Variants in KCNQ5 observed in about 807,000 individuals in gnomAD.
KCNQ5 encodes the protein potassium voltage-gated channel subfamily KQT member 5.
KCNQ5 carries 30 observed loss-of-function variants against 98.2 expected under a neutral mutation model. The ratio of observed to expected loss-of-function variants is 0.31; its 90% CI spans 0.23 to 0.41. The LOEUF (loss-of-function observed/expected upper bound fraction) is 0.41. Among genes scored for constraint, KCNQ5 ranks in the 10% least tolerant of loss-of-function variants. KCNQ5 has a pLI of 1.00. For synonymous variants in KCNQ5, 458 were observed against 449.4 expected (o/e 1.02, Z -0.24); for missense variants, 835 against 1,182.5 (o/e 0.71, Z 4.31).
chr6:73,109,270 T>C (rs1775128822), intron 6 of KCNQ5, among the ~76,000 whole-genome samples: 1 of 152,234 alleles, frequency 6.6e-6, no homozygotes, highest in South Asian at 2.1e-4. Context: ...AAATTTGTGC[T>C]ATGTAGGGCC....
At chr6:72,686,362 A>G (rs117229376) in intron 1 of KCNQ5, among the ~76,000 whole-genome samples, 253 of 152,324 alleles carry the variant, frequency 1.7e-3, no homozygotes, top group Non-Finnish European at 2.7e-3. Context: ...ATAGCTCAGT[A>G]TAGTTTCAAT....
chr6:72,892,094 C>T (rs1054868335), intron 1 of KCNQ5, among the ~76,000 whole-genome samples: 3 of 152,144 alleles, frequency 2.0e-5, no homozygotes, highest in Non-Finnish European at 2.9e-5. Context: ...TACACCATCA[C>T]AGAATGATGG....
intron 1 of KCNQ5, among the ~76,000 whole-genome samples, chr6:72,630,176 A>C (rs755456777): frequency 2.6e-5 from 4 of 152,194 alleles, no homozygotes; most frequent in Non-Finnish European, 5.9e-5. Flanking sequence ...AAAACACTTG[A>C]ATAAAATGCA....
At chr6:72,692,949 A>G (rs1276154791) in intron 1 of KCNQ5, among the ~76,000 whole-genome samples, 1 of 152,208 alleles carries the variant, frequency 6.6e-6, no homozygotes, top group East Asian at 1.9e-4. Flanking sequence ...TTTTTCAAAA[A>G]GGAATGAGGA....
At chr6:73,044,207 G>A (rs1015855271) in intron 3 of KCNQ5, among the ~76,000 whole-genome samples, 2 of 152,172 alleles carry the variant, frequency 1.3e-5, no homozygotes, top group African/African-American at 4.8e-5. Flanking sequence ...TTGAGCCCAG[G>A]AGTTTGAGGC....
chr6:72,778,753 A>G (rs1203325238), intron 1 of KCNQ5, among the ~76,000 whole-genome samples: 1 of 152,180 alleles, frequency 6.6e-6, no homozygotes, highest in Admixed American at 6.5e-5. Context: ...AACCTCAATA[A>G]AACTGGAGAA....
At chr6:73,080,923 A>G (rs894160301) in intron 5 of KCNQ5, among the ~76,000 whole-genome samples, 5 of 152,166 alleles carry the variant, frequency 3.3e-5, no homozygotes, top group Non-Finnish European at 5.9e-5. Context: ...GTGCTGCCCA[A>G]AAAACTTTGA....
chr6:72,902,499 A>G (rs549725551), intron 1 of KCNQ5, among the ~76,000 whole-genome samples: 1 of 152,224 alleles, frequency 6.6e-6, no homozygotes, highest in African/African-American at 2.4e-5. Flanking sequence ...GACTTTTATT[A>G]AATTGAAGTA....
intron 1 of KCNQ5, among the ~76,000 whole-genome samples, chr6:72,830,363 A>G (rs1194728240): frequency 2.0e-5 from 3 of 152,230 alleles, no homozygotes; most frequent in Non-Finnish European, 4.4e-5. Context: ...CCAAAACAGC[A>G]TGGTACTGGT....
At position 72,944,355 on chromosome 6, in the gene KCNQ5, C is replaced by G. The variant is rs530117325; in HGVS notation, c.399-59553C>G. On this transcript the variant is annotated intron_variant, in intron 1 of 13. Transcript: ENST00000370398. The stretch of plus-strand genomic sequence containing the variant: ...TTTTGTTTCTAATAATTTCATGCAC[C>G]AGAGTGTCAAACAAATCAAGGTCAA... Among the ~76,000 whole-genome samples the G allele has an allele frequency of 1.1e-3, 168 of 152,170 alleles. 5 individuals carry two copies. The South Asian group carries it at 0.034, about 31-fold the overall frequency.
chr6:72,831,846 G>T (rs1776288567), intron 1 of KCNQ5, among the ~76,000 whole-genome samples: 1 of 152,078 alleles, frequency 6.6e-6, no homozygotes, highest in Non-Finnish European at 1.5e-5. Flanking sequence ...TTAGAGTGGG[G>T]CTTTAGTGAG....
At chr6:72,893,514 G>GCAATT (rs1779137430) in intron 1 of KCNQ5, among the ~76,000 whole-genome samples, 1 of 152,128 alleles carries the variant, frequency 6.6e-6, no homozygotes, top group South Asian at 2.1e-4. Flanking sequence ...AATCTGCAAT[G>GCAATT]CAATGCTTTA....
At chr6:72,823,800 C>T (rs574293404) in intron 1 of KCNQ5, among the ~76,000 whole-genome samples, 3 of 152,128 alleles carry the variant, frequency 2.0e-5, no homozygotes, top group African/African-American at 7.2e-5. Context: ...CCGAATTATG[C>T]TTGTAAACCA....
rs1390470611 is a variant in KCNQ5, at chr6:73,192,669, G to T, written c.1814G>T (p.Arg605Leu). The change falls in exon 13 of 14, where the codon CGG (arginine) becomes CTG (leucine). Residue 605 changes from arginine to leucine, a missense_variant. This residue lies in a region of KCNQ5 where 416 missense variants were observed against 446.9 expected (regional missense o/e 0.93). Transcript: ENST00000370398. ...ACAGACGATCTCAGTATGCTCGGTCGGGTGGTCAAGGTTGAAAAACAGGTA... is the reference window on the plus strand; with the variant it reads ...ACAGACGATCTCAGTATGCTCGGTCTGGTGGTCAAGGTTGAAAAACAGGTA... ...ETTDDLSMLGRVVKVEKQVQS... is the reference protein window; with the variant it reads ...ETTDDLSMLGLVVKVEKQVQS... 1 of 1,598,056 alleles carries T rather than the reference G, an allele frequency of 6.3e-7. No individual in the cohort carries two copies.
intron 3 of KCNQ5, chr6:73,055,072 A>G: frequency 1.5e-6 from 1 of 665,936 alleles, no homozygotes; most frequent in Admixed American, 2.0e-5. Context: ...CCAAATCAAG[A>G]ATGCTATCCC....
intron 11 of KCNQ5, among the ~76,000 whole-genome samples, chr6:73,180,745 A>G (rs912352399): frequency 2.0e-5 from 3 of 152,174 alleles, no homozygotes; most frequent in Non-Finnish European, 4.4e-5. Flanking sequence ...GGACCCAGGC[A>G]TTTTTTAAAG....
intron 1 of KCNQ5, among the ~76,000 whole-genome samples, chr6:72,845,306 A>T (rs541320117): frequency 1.1e-3 from 163 of 152,328 alleles, no homozygotes; most frequent in African/African-American, 3.7e-3. Flanking sequence ...AAGATAGAGC[A>T]TCACCAACCC....
chr6:73,055,570 C>A, intron 3 of KCNQ5: 1 of 1,394,078 alleles, frequency 7.2e-7, no homozygotes, highest in Non-Finnish European at 1.0e-6. Context: ...ACACTATTGC[C>A]AGAGCTCTGC....
At chr6:73,176,482 C>T (rs1004569369) in intron 11 of KCNQ5, among the ~76,000 whole-genome samples, 5 of 152,152 alleles carry the variant, frequency 3.3e-5, no homozygotes, top group Non-Finnish European at 1.5e-5. Context: ...ATTTTTCAGT[C>T]TCGGGTATTT....
Sources: gnomAD v4.1 joint callset for allele counts (sites outside exome capture counted in the v4.1 genomes callset) on GRCh38, gnomAD v4.1.1 for gene constraint, gnomAD v4.1.1 regional missense constraint, MANE v1.5 for transcripts, NCBI Gene and HGNC (gene_info 2026-07-23, HGNC 2026-07-21) for gene names.